The following ESCO2 variants were observed in gnomAD, a reference collection of about 807,000 sequenced individuals.
The protein encoded by ESCO2 is N-acetyltransferase ESCO2.
In ESCO2, 51 loss-of-function variants were observed where a neutral mutation model predicts 61.7. That is an observed-to-expected ratio of 0.83 (90% CI 0.66 to 1.04). The LOEUF is 1.04. ESCO2 is among the 50% of genes least tolerant of loss of function. The pLI is 0.00. For synonymous variants in ESCO2, 230 were observed against 238.2 expected, an observed-to-expected ratio of 0.97 and a Z score of 0.32; for missense variants, 692 against 686.2, an observed-to-expected ratio of 1.01 and a Z score of -0.09.
At chr8:27,801,461 G>A (rs1021914634) in intron 10 of ESCO2, among the ~76,000 whole-genome samples, 1 of 151,876 alleles carries the variant, frequency 6.6e-6, no homozygotes, top group African/African-American at 2.4e-5. Context: ...ACTTACAAAG[G>A]GTATCAGTAG....
intron 7 of ESCO2, among the ~76,000 whole-genome samples, chr8:27,789,917 AATAC>A (rs1805137465): frequency 6.6e-6 from 1 of 152,232 alleles, no homozygotes; most frequent in Non-Finnish European, 1.5e-5. Flanking sequence ...GTGCATATAA[AATAC>A]ATACAAAAGA....
At chr8:27,788,085 T>G (rs1805088749) in intron 6 of ESCO2, 83 bp downstream of exon 6, 1 of 953,134 alleles carries the variant, frequency 1.0e-6, no homozygotes, top group Non-Finnish European at 1.7e-6. Flanking sequence ...AGTTCAGAAC[T>G]TGGTATTTTC....
At chr8:27,783,807 T>A (rs1280108374) in intron 4 of ESCO2, among the ~76,000 whole-genome samples, 193 bp from the exon 5 acceptor site, 1 of 152,164 alleles carries the variant, frequency 6.6e-6, no homozygotes, top group African/African-American at 2.4e-5. Context: ...TAGGTGTAAT[T>A]TTTTTGCATG....
downstream of ESCO2, among the ~76,000 whole-genome samples, chr8:27,807,027 A>G (rs1805576857): frequency 1.3e-5 from 2 of 152,142 alleles, no homozygotes; most frequent in Admixed American, 1.3e-4. Flanking sequence ...TTCTAAACTT[A>G]ATTAATTCTA....
At chr8:27,819,635 T>C in the ESCO2 span, among the ~76,000 whole-genome samples, 1 of 152,150 alleles carries the variant, frequency 6.6e-6, no homozygotes, top group Non-Finnish European at 1.5e-5. Flanking sequence ...ATGGTCAATT[T>C]TAATAAATAT....
chr8:27,793,985 T>C (rs1805239523), intron 9 of ESCO2, among the ~76,000 whole-genome samples: 1 of 152,238 alleles, frequency 6.6e-6, no homozygotes, highest in South Asian at 2.1e-4. Flanking sequence ...GTAAGTGAGA[T>C]GTTGCACTAT....
Position 27,787,994 on chromosome 8 carries a change from CTCA to C in ESCO2, c.1129_1131del (p.Ile377del). The C allele has an allele frequency of 6.2e-7, 1 of 1,608,214 alleles. No individual in the cohort carries two copies. The highest frequency in any genetic ancestry group is 1.1e-5 in the South Asian group (1 of 90,976). Reference sequence around the variant, plus strand: ...TACAAGTAAAAAAACAAAAGACCAGCTCATCATCGTGAGTAAATTCCAAACAAA... The same window carrying C: ...TACAAGTAAAAAAACAAAAGACCAGCTCATCGTGAGTAAATTCCAAACAAA... On this transcript the variant is annotated inframe_deletion, in exon 6 of 11. Transcript: ENST00000305188.
Position 27,795,917 on chromosome 8 carries a change from T to C in ESCO2, c.1497+3106T>C, listed in dbSNP as rs186831234. 3.3e-4 allele frequency among the ~76,000 whole-genome samples: 51 copies of C among 152,278 alleles called. 1 individual carries two copies. The highest frequency in any genetic ancestry group is 2.2e-3 in the Admixed American group (33 of 15,302). ...CAGGGATATTGGCTGGTAACTTCTC[T>C]TGTAGTGTCCTTTTCTGGCTTTGGT... On this transcript the variant is annotated intron_variant, in intron 9 of 10. Transcript: ENST00000305188.
chr8:27,788,813 T>G, intron 6 of ESCO2, 34 bp from the exon 7 acceptor site: 1 of 1,613,642 alleles, frequency 6.2e-7, no homozygotes, highest in Non-Finnish European at 8.5e-7. Flanking sequence ...GTGCTATATT[T>G]AAATGGGTTT....
In ESCO2 at chr8:27,777,078, C is replaced by G; in HGVS notation, c.770C>G (p.Thr257Arg). The change falls in exon 3 of 11, where the codon ACA (threonine) becomes AGA (arginine). Residue 257 changes from threonine (T) to arginine (R), a missense_variant. Thr to Arg is a moderately conservative substitution (Grantham distance 71). Coordinates refer to ENST00000305188, the MANE Select transcript of ESCO2 (RefSeq NM_001017420.3). ...ETVSEKKTFA[T>R]RQVPKCLVLE... is the part of the protein sequence containing the mutation. ...GTCAGTGAAAAAAAAACTTTTGCGA[C>G]AAGGCAAGTGCCAAAGTGCTTGGTC... 1 of 1,604,826 alleles carries G rather than the reference C, an allele frequency of 6.2e-7. No individual in the cohort carries two copies. The highest frequency in any genetic ancestry group is 8.5e-7 in the Non-Finnish European group (1 of 1,177,968).
the ESCO2 span, among the ~76,000 whole-genome samples, chr8:27,819,106 A>G: frequency 3.3e-5 from 5 of 152,148 alleles, no homozygotes; most frequent in Non-Finnish European, 7.4e-5. Flanking sequence ...CTGTAGCTTT[A>G]TAAAACTTTT....
At chr8:27,802,394 A>G (rs529557017) in intron 10 of ESCO2, among the ~76,000 whole-genome samples, 125 of 150,822 alleles carry the variant, frequency 8.3e-4, no homozygotes, top group South Asian at 1.3e-3. Context: ...TTGGAAGTTC[A>G]AGACAATCCT....
At chr8:27,781,767 G>T (rs1804934030) in intron 4 of ESCO2, among the ~76,000 whole-genome samples, 1 of 151,968 alleles carries the variant, frequency 6.6e-6, no homozygotes, top group African/African-American at 2.4e-5. Flanking sequence ...GGCCATGCTG[G>T]TCTCAAACTC....
upstream of ESCO2, chr8:27,772,186 G>C: frequency 2.2e-6 from 1 of 456,660 alleles, no homozygotes; most frequent in Non-Finnish European, 3.9e-6. Flanking sequence ...AGAAGACTTG[G>C]GATAAGGTGT....
intron 4 of ESCO2, among the ~76,000 whole-genome samples, chr8:27,781,282 G>A (rs1426807658): frequency 2.0e-5 from 3 of 151,008 alleles, no homozygotes; most frequent in East Asian, 3.9e-4. Context: ...ACTTTCACCT[G>A]CCTTGGCCTT....
At chr8:27,780,337 T>G (rs992776245) in intron 4 of ESCO2, 70 bp downstream of exon 4, 1 of 1,007,042 alleles carries the variant, frequency 9.9e-7, no homozygotes, top group Non-Finnish European at 1.5e-6. Flanking sequence ...ACAATAATAA[T>G]TCTTGTAATT....
downstream of ESCO2, among the ~76,000 whole-genome samples, chr8:27,813,835 A>G (rs546774940): frequency 6.6e-6 from 1 of 152,322 alleles, no homozygotes; most frequent in East Asian, 1.9e-4. Context: ...CTCATGTAGT[A>G]TTAGACTGAA....
At chr8:27,810,382 A>G (rs1250090719), downstream of ESCO2, 11 of 1,610,340 alleles carry the variant, frequency 6.8e-6, no homozygotes, top group Non-Finnish European at 1.7e-6. Flanking sequence ...GTGCATACAG[A>G]GAAGAGTTCA....
intron 9 of ESCO2, among the ~76,000 whole-genome samples, chr8:27,796,899 T>C (rs1805309010): frequency 6.6e-6 from 1 of 152,164 alleles, no homozygotes; most frequent in South Asian, 2.1e-4. Flanking sequence ...GGCAGGAGGA[T>C]AGCTTGAGGC....
Sources: allele counts gnomAD v4.1 joint callset (sites outside exome capture counted in the v4.1 genomes callset), GRCh38; gene constraint gnomAD v4.1.1; transcripts MANE v1.5; gene names NCBI Gene and HGNC (gene_info 2026-07-23, HGNC 2026-07-21).